ZFHX3: variants seen among roughly 807,000 people sequenced by gnomAD.
ZFHX3 encodes the protein zinc finger homeobox 3.
Under a neutral mutation model 279.1 loss-of-function variants are expected in ZFHX3, and 42 were observed. That is an observed-to-expected ratio of 0.15 (90% CI 0.12 to 0.19). The LOEUF (loss-of-function observed/expected upper bound fraction) is 0.19. ZFHX3 is among the 10% of genes least tolerant of loss of function. ZFHX3 has a pLI of 1.00. For synonymous variants in ZFHX3, 2,293 were observed against 1,957.8 expected, an observed-to-expected ratio of 1.17 and a Z score of -4.52; for missense variants, 4,981 against 4,754.0, an observed-to-expected ratio of 1.05 and a Z score of -1.40.
chr16:73,665,470 TC>T (rs1399209563), intron 2 of ZFHX3, among the ~76,000 whole-genome samples: 1 of 151,752 alleles, frequency 6.6e-6, no homozygotes, highest in African/African-American at 2.4e-5. Context: ...CACCTCGGCC[TC>T]CCAAAGTGTT....
chr16:73,177,174 C>T lies in ZFHX3; in HGVS notation c.-1103-33343G>A, dbSNP rs533256074. Reference sequence around the variant, plus strand: ...GTCTCAAAACCAACCAACCAACCAGCCAACCAACCAACCAACCAACCAAAT... The same window carrying T: ...GTCTCAAAACCAACCAACCAACCAGTCAACCAACCAACCAACCAACCAAAT... On this transcript the variant is annotated intron_variant, in intron 5 of 17. Transcript: ENST00000641206. 7.3e-3 allele frequency among the ~76,000 whole-genome samples: 601 copies of T among 82,106 alleles called. 5 individuals are homozygous for T. The highest frequency in any genetic ancestry group is 0.031 in the African/African-American group (582 of 18,576). 53.9% of individuals were successfully genotyped at this position (82,106 alleles called of 152,430 possible).
chr16:72,968,023 A>G (rs75193535), intron 1 of ZFHX3, among the ~76,000 whole-genome samples: 1 of 149,338 alleles, frequency 6.7e-6, no homozygotes, highest in Admixed American at 6.7e-5. Context: ...AAAAAAAAAA[A>G]CAACAACAAT....
intron 1 of ZFHX3, among the ~76,000 whole-genome samples, chr16:73,037,105 A>G (rs1964936421): frequency 6.6e-6 from 1 of 152,304 alleles, no homozygotes; most frequent in East Asian, 1.9e-4. Context: ...CAGATTTAAG[A>G]TACACCCGTA....
chr16:72,956,423 C>T (rs763779299), intron 2 of ZFHX3, among the ~76,000 whole-genome samples: 6 of 152,298 alleles, frequency 3.9e-5, no homozygotes, highest in African/African-American at 9.6e-5. Context: ...GGTGGAGGCA[C>T]GAGTGGCCCA....
intron 2 of ZFHX3, among the ~76,000 whole-genome samples, chr16:73,464,797 G>T (rs2018535804): frequency 6.6e-6 from 1 of 152,194 alleles, no homozygotes; most frequent in Admixed American, 6.5e-5. Context: ...TCCCAGACCC[G>T]CCTTTGGGTC....
At chr16:73,784,764 T>A (rs1345790172) in intron 1 of ZFHX3, among the ~76,000 whole-genome samples, 1 of 132,788 alleles carries the variant, frequency 7.5e-6, no homozygotes, top group Admixed American at 7.5e-5. Flanking sequence ...AAAAAATTTT[T>A]AAAAAACTAT....
chr16:73,809,413 T>G (rs1960369561), intron 1 of ZFHX3: 1 of 152,202 alleles, frequency 6.6e-6, no homozygotes, highest in Non-Finnish European at 1.5e-5. Context: ...ACCTGCCGCT[T>G]CATTCAAAGG....
At chr16:73,598,221 GCTTACCAGCTTGTATCTA>G (rs2052072273) in intron 2 of ZFHX3, among the ~76,000 whole-genome samples, 1 of 152,064 alleles carries the variant, frequency 6.6e-6, no homozygotes, top group African/African-American at 2.4e-5. Context: ...ATTTCAGAGA[GCTTACCAGCTTGTATCTA>G]CTTTTATTTT....
intron 5 of ZFHX3, among the ~76,000 whole-genome samples, chr16:73,192,475 G>A (rs1236517284): frequency 6.6e-6 from 1 of 152,142 alleles, no homozygotes; most frequent in Non-Finnish European, 1.5e-5. Flanking sequence ...CATGATCACC[G>A]GGTGCCAAAG....
chr16:73,588,702 CAA>C (rs35658515), intron 2 of ZFHX3, among the ~76,000 whole-genome samples: 3 of 56,412 alleles, frequency 5.3e-5, no homozygotes, highest in African/African-American at 1.7e-4. Flanking sequence ...AAACAAAAAA[CAA>C]AACAAAAAAA....
At chr16:73,822,462 A>G (rs1304492317) in intron 1 of ZFHX3, among the ~76,000 whole-genome samples, 1 of 151,954 alleles carries the variant, frequency 6.6e-6, no homozygotes, top group Admixed American at 6.6e-5. Context: ...TTAACTTAGA[A>G]TTTTCCACTT....
chr16:72,876,364 C>T (rs1567559759), intron 4 of ZFHX3, among the ~76,000 whole-genome samples: 1 of 152,116 alleles, frequency 6.6e-6, no homozygotes, highest in Non-Finnish European at 1.5e-5. Context: ...TTCATGAAAG[C>T]TCTGAGCTCC....
intron 2 of ZFHX3, among the ~76,000 whole-genome samples, chr16:73,657,077 A>G (rs939653411): frequency 6.6e-6 from 1 of 152,250 alleles, no homozygotes; most frequent in Admixed American, 6.5e-5. Context: ...AGCATTTAGT[A>G]TACAAACATA....
At chr16:73,348,133 G>A (rs547563080) in intron 3 of ZFHX3, among the ~76,000 whole-genome samples, 12 of 152,154 alleles carry the variant, frequency 7.9e-5, no homozygotes, top group African/African-American at 2.2e-4. Flanking sequence ...TGGGCAGGCC[G>A]ACTGCTTAAA....
chr16:73,064,071 A>AG (rs1025831656), upstream of ZFHX3, among the ~76,000 whole-genome samples: 2 of 152,186 alleles, frequency 1.3e-5, no homozygotes, highest in African/African-American at 4.8e-5. Context: ...GATGGCATTT[A>AG]GGACGACAGC....
At chr16:73,609,683 G>C (rs2052226228) in intron 2 of ZFHX3, 1 of 151,920 alleles carries the variant, frequency 6.6e-6, no homozygotes, top group Non-Finnish European at 1.5e-5. Context: ...GAAGAAGGAA[G>C]GAAGGGAAAG....
At chr16:73,303,145 C>T (rs1220163075) in intron 4 of ZFHX3, among the ~76,000 whole-genome samples, 2 of 152,030 alleles carry the variant, frequency 1.3e-5, no homozygotes, top group Non-Finnish European at 1.5e-5. Flanking sequence ...CCTCCCACCT[C>T]GGCCTCCCTA....
intron 1 of ZFHX3, among the ~76,000 whole-genome samples, chr16:73,721,282 C>A (rs962811178): frequency 8.5e-5 from 13 of 152,100 alleles, no homozygotes; most frequent in African/African-American, 3.1e-4. Context: ...CCACCACACC[C>A]AGCTAATTTT....
intron 2 of ZFHX3, among the ~76,000 whole-genome samples, chr16:73,667,155 C>T (rs1456685893): frequency 6.6e-6 from 1 of 152,046 alleles, no homozygotes; most frequent in Non-Finnish European, 1.5e-5. Flanking sequence ...CCACGCCCGG[C>T]TAATTTTTGT....
Sources: allele counts gnomAD v4.1 joint callset (sites outside exome capture counted in the v4.1 genomes callset), GRCh38; gene constraint gnomAD v4.1.1; transcripts MANE v1.5; gene names NCBI Gene and HGNC (gene_info 2026-07-23, HGNC 2026-07-21).